PPARD: variants seen among roughly 807,000 people sequenced by gnomAD.
The protein encoded by PPARD is peroxisome proliferator activated receptor delta.
In PPARD, 6 loss-of-function variants were observed where a neutral mutation model predicts 39.5. The observed-to-expected ratio is 0.15, with a 90% CI of 0.08 to 0.30. The LOEUF (loss-of-function observed/expected upper bound fraction) is 0.30, where lower values mean the gene tolerates loss of function less well. PPARD is among the 10% of genes least tolerant of loss of function. PPARD has a pLI of 1.00. For synonymous variants in PPARD, 210 were observed against 231.3 expected, an observed-to-expected ratio of 0.91 and a Z score of 0.83; for missense variants, 397 against 596.8, an observed-to-expected ratio of 0.67 and a Z score of 3.49.
rs1766425334 is a variant in PPARD, at chr6:35,424,334, T to A, written c.633T>A (p.Phe211Leu). ...LTGKASHTAP[F>L]VIHDIETLWQ... Reference sequence around the variant, plus strand: ...TAACGGGGCCTGGTTTTCAGCCCTTTGTGATCCACGACATCGAGACATTGT... The same window carrying A: ...TAACGGGGCCTGGTTTTCAGCCCTTAGTGATCCACGACATCGAGACATTGT... The change falls in exon 7 of 8, where the codon TTT becomes TTA. Residue 211 changes from phenylalanine to leucine, a missense_variant. Physicochemically the swap from Phe to Leu is conservative, Grantham distance 22 (BLOSUM62 0). Transcript: ENST00000360694. This position sits in a 1 kb window ranked among gnomAD's most constrained non-coding sequence, Gnocchi z 7.1. 1 of 1,611,072 alleles carries A rather than the reference T, an allele frequency of 6.2e-7. No homozygotes were observed. Among genetic ancestry groups the A allele is most frequent in the Non-Finnish European group, 8.5e-7 (1 of 1,177,404 alleles).
intron 2 of PPARD, among the ~76,000 whole-genome samples, chr6:35,368,094 TTTGTG>T (rs1762299289): frequency 6.6e-6 from 1 of 152,202 alleles, no homozygotes; most frequent in Non-Finnish European, 1.5e-5. Flanking sequence ...TGCTGGCTCT[TTTGTG>T]TGGTTGGAGA....
rs1357496929 is a variant in PPARD at position 35,428,046 on chromosome 6, T to C, written c.*1967T>C. 1 of 152,536 alleles carries C rather than the reference T, an allele frequency of 6.6e-6. No homozygotes were observed. Among genetic ancestry groups the C allele is most frequent in the African/African-American group, 2.4e-5 (1 of 41,394 alleles). The allele number at this position is 152,536 out of a possible 1,614,324, so 9.4% of individuals were successfully genotyped here. ...CCGGGTCTGGTGCTGAGGATACAGC[T>C]CTTCTCAGTGTCTGAACAATCTCCA... On this transcript the variant is annotated 3_prime_UTR_variant, in exon 8 of 8. Transcript: ENST00000360694.
intron 2 of PPARD, among the ~76,000 whole-genome samples, chr6:35,364,952 A>G (rs1313543500): frequency 8.7e-5 from 13 of 148,876 alleles, no homozygotes; most frequent in Non-Finnish European, 1.3e-4. Context: ...CTTGTGATCC[A>G]CCCGCCTCGG....
intron 3 of PPARD, among the ~76,000 whole-genome samples, chr6:35,411,458 G>GA (rs746961503): frequency 1.3e-5 from 2 of 152,226 alleles, no homozygotes; most frequent in Non-Finnish European, 2.9e-5. Context: ...GATGGTAGGT[G>GA]ATGTGGATAT....
At position 35,426,166 on chromosome 6, in the gene PPARD, G is replaced by C; in HGVS notation, c.*87G>C. On this transcript the variant is annotated 3_prime_UTR_variant, in exon 8 of 8. Coordinates refer to ENST00000360694, the MANE Select transcript of PPARD (RefSeq NM_006238.5). ...ATGACTTTTCCATTGACCAGCCCTT[G>C]AGCACCCGGCCTGGAGCAGCAGAGT... 2 of 1,525,668 alleles carry C rather than the reference G, an allele frequency of 1.3e-6. No homozygotes were observed. Among genetic ancestry groups the C allele is most frequent in the South Asian group, 2.5e-5 (2 of 79,140 alleles). 94.5% of individuals were successfully genotyped at this position (1,525,668 alleles called of 1,614,324 possible).
At chr6:35,384,248 G>T (rs1203541259) in intron 2 of PPARD, among the ~76,000 whole-genome samples, 2 of 132,050 alleles carry the variant, frequency 1.5e-5, no homozygotes, top group East Asian at 4.8e-4. Flanking sequence ...CAGCCGCCCC[G>T]TCAGGGAGGG....
intron 2 of PPARD, among the ~76,000 whole-genome samples, chr6:35,375,209 GTTT>G (rs558275286): frequency 1.7e-5 from 1 of 59,232 alleles, no homozygotes; most frequent in Admixed American, 2.7e-4. Context: ...CTCCTTCCGA[GTTT>G]TTTTTTTTTT....
At chr6:35,382,071 G>A (rs1426093140) in intron 2 of PPARD, among the ~76,000 whole-genome samples, 2 of 152,218 alleles carry the variant, frequency 1.3e-5, no homozygotes, top group African/African-American at 2.4e-5. Context: ...TGTCATTGTC[G>A]CCATTGTTGT....
At chr6:35,394,006 C>CCTGA (rs1764166652) in intron 2 of PPARD, among the ~76,000 whole-genome samples, 1 of 152,222 alleles carries the variant, frequency 6.6e-6, no homozygotes, top group African/African-American at 2.4e-5. Context: ...TTACAAGACT[C>CCTGA]CTGACTCTTC....
Position 35,348,346 on chromosome 6 carries a change from T to G in PPARD, c.-102+1196T>G, listed in dbSNP as rs946479815. 33 of 985,174 alleles carry G rather than the reference T, an allele frequency of 3.3e-5. No individual in the cohort carries two copies. In the Admixed American group the frequency reaches 6.2e-4, roughly 18 times the overall value. The allele number at this position is 985,174 out of a possible 1,614,324, so 61.0% of individuals were successfully genotyped here. A position where few individuals can be genotyped will look rare whatever the true frequency, so the allele number is the denominator to read the frequency against. ...AGCTGGCCATAACACACAGAATTGT[T>G]TCTTCCATCTCTGCAGGGGTAGGAG... On this transcript the variant is annotated intron_variant, in intron 2 of 7. Transcript: ENST00000360694.
At chr6:35,374,404 TC>T (rs1562185240) in intron 2 of PPARD, among the ~76,000 whole-genome samples, 2 of 151,886 alleles carry the variant, frequency 1.3e-5, no homozygotes, top group African/African-American at 4.8e-5. Flanking sequence ...ATGCCTGTAA[TC>T]CCAGCACTTT....
intron 2 of PPARD, among the ~76,000 whole-genome samples, chr6:35,347,488 A>G (rs1760933514): frequency 6.6e-6 from 1 of 152,080 alleles, no homozygotes; most frequent in African/African-American, 2.4e-5. Context: ...TTTTTGTTGA[A>G]TGAGTAAATG....
At chr6:35,364,975 G>C (rs200330270) in intron 2 of PPARD, among the ~76,000 whole-genome samples, 11 of 150,512 alleles carry the variant, frequency 7.3e-5, no homozygotes, top group Admixed American at 1.3e-4. Flanking sequence ...TCCCAAAGTG[G>C]TGGGATTACA....
intron 2 of PPARD, among the ~76,000 whole-genome samples, chr6:35,395,396 T>C (rs1764255979): frequency 6.6e-6 from 1 of 152,198 alleles, no homozygotes; most frequent in Non-Finnish European, 1.5e-5. Context: ...CCTGACTTGA[T>C]GTTCAGGCAG....
At chr6:35,405,286 G>C (rs1764965485) in intron 2 of PPARD, among the ~76,000 whole-genome samples, 1 of 152,094 alleles carries the variant, frequency 6.6e-6, no homozygotes, top group African/African-American at 2.4e-5. Context: ...TGATCTGCCT[G>C]CCTCAGCCTC....
At chr6:35,385,148 A>AT (rs1763536670) in intron 2 of PPARD, among the ~76,000 whole-genome samples, 1 of 145,482 alleles carries the variant, frequency 6.9e-6, no homozygotes, top group South Asian at 2.2e-4. Flanking sequence ...CCAACAGCTC[A>AT]TTGAGAACGG....
intron 4 of PPARD, among the ~76,000 whole-genome samples, chr6:35,420,819 C>CTT (rs35852986): frequency 0.51 from 43,184 of 84,474 alleles, 15,397 homozygotes; most frequent in South Asian, 0.66. Flanking sequence ...AACAAAGAAG[C>CTT]TTTTTTTTTT....
At chr6:35,388,421 A>G (rs748625618) in intron 2 of PPARD, among the ~76,000 whole-genome samples, 5 of 152,156 alleles carry the variant, frequency 3.3e-5, no homozygotes, top group East Asian at 1.9e-4. Context: ...CTTTTTCTCA[A>G]AAAGAGGGGA....
chr6:35,384,510 A>G (rs1763447911), intron 2 of PPARD, among the ~76,000 whole-genome samples: 1 of 116,256 alleles, frequency 8.6e-6, no homozygotes, highest in Non-Finnish European at 1.7e-5. Flanking sequence ...CCGCCCGGCC[A>G]GCCGCCCCGT....
Sources: gnomAD v4.1 joint callset for allele counts (sites outside exome capture counted in the v4.1 genomes callset) on GRCh38, gnomAD v4.1.1 for gene constraint, Gnocchi (gnomAD v3.1) non-coding constraint, MANE v1.5 for transcripts, NCBI Gene and HGNC (gene_info 2026-07-23, HGNC 2026-07-21) for gene names.